ALOXE3: variants seen among roughly 807,000 people sequenced by gnomAD.
ALOXE3 encodes the protein arachidonate epidermal lipoxygenase 3.
A neutral mutation model predicts 87.5 loss-of-function variants in ALOXE3; 78 were observed. The ratio of observed to expected loss-of-function variants is 0.89; its 90% CI spans 0.74 to 1.08. The LOEUF (loss-of-function observed/expected upper bound fraction) is 1.08. Ranked by LOEUF, ALOXE3 falls within the 50% of genes least tolerant of loss-of-function variation. The probability of loss-of-function intolerance (pLI) is 0.00; values close to 1 mark genes in which losing one functional copy is unlikely to be tolerated. For synonymous variants in ALOXE3, 363 were observed against 370.8 expected (o/e 0.98, Z 0.24); for missense variants, 946 against 912.4 (o/e 1.04, Z -0.47).
At chr17:8,106,323 C>G (rs932780895) in intron 13 of ALOXE3, among the ~76,000 whole-genome samples, 1 of 151,968 alleles carries the variant, frequency 6.6e-6, no homozygotes, top group Non-Finnish European at 1.5e-5. Flanking sequence ...ACCAGACATC[C>G]GCCTGGGAGT....
At chr17:8,107,659 C>T (rs948498669) in intron 13 of ALOXE3, among the ~76,000 whole-genome samples, 6 of 150,900 alleles carry the variant, frequency 4.0e-5, no homozygotes, top group East Asian at 2.0e-4. Flanking sequence ...ATTAGCTGGG[C>T]GTGGTGGCGG....
At position 8,114,687 on chromosome 17, in the gene ALOXE3, C is replaced by G. The variant is rs1598216515; in HGVS notation, c.555-78G>C. 3 of 1,598,166 alleles carry G rather than the reference C, an allele frequency of 1.9e-6. No homozygotes were observed. The East Asian group carries it at 6.7e-5, about 36-fold the overall frequency. The stretch of plus-strand genomic sequence containing the variant: ...CAGCTGCTCAACTCCTTCCCTCTTT[C>G]CTGCCTTCCAAGTCCCTGGGTCTCT... On this transcript the variant is annotated intron_variant, in intron 5 of 15. Transcript: ENST00000448843.
At chr17:8,115,737 A>G (rs762814746) in intron 3 of ALOXE3, 49 bp from the exon 4 acceptor site, 22 of 1,566,702 alleles carry the variant, frequency 1.4e-5, no homozygotes, top group Non-Finnish European at 1.5e-5. Flanking sequence ...TTCCAACAAC[A>G]TCTTCTGCAA....
At chr17:8,110,362 C>T (rs767386340) in intron 9 of ALOXE3, 23 bp downstream of exon 9, 1 of 1,604,324 alleles carries the variant, frequency 6.2e-7, no homozygotes, top group Non-Finnish European at 8.5e-7. Context: ...GCCCCCATCC[C>T]GGGGCGGCGG....
chr17:8,114,899 T>C (rs780267033), intron 5 of ALOXE3, 39 bp downstream of exon 5: 2 of 1,613,564 alleles, frequency 1.2e-6, no homozygotes. Flanking sequence ...ACCTTCCACT[T>C]GACTTCCTTT....
intron 11 of ALOXE3, 128 bp downstream of exon 11, chr17:8,109,788 T>G: frequency 1.1e-6 from 1 of 926,748 alleles, no homozygotes; most frequent in Non-Finnish European, 1.6e-6. Flanking sequence ...GAGGCAGTGA[T>G]TGTACAGGTG....
chr17:8,104,238 G>A, intron 13 of ALOXE3, 23 bp from the exon 14 acceptor site: 2 of 1,586,788 alleles, frequency 1.3e-6, no homozygotes, highest in Non-Finnish European at 1.7e-6. Context: ...AGGAAGGGTA[G>A]AGGGTGTGGA....
In ALOXE3 at chr17:8,117,954, A is replaced by G; in HGVS notation, c.37T>C (p.Tyr13His). ...VYRLCVTTGPYLRAGTLDNIS... is the reference protein window; with the variant it reads ...VYRLCVTTGPHLRAGTLDNIS... Reference sequence around the variant, plus strand: ...TTGTCCAGTGTGCCGGCCCTCAGGTAGGGACCAGTGGTCACACACAGGCGG... The same window carrying G: ...TTGTCCAGTGTGCCGGCCCTCAGGTGGGGACCAGTGGTCACACACAGGCGG... Residue 13 changes from tyrosine (Y) to histidine (H), a missense_variant, in exon 2 of 16, where the codon TAC becomes CAC. By Grantham distance (83) the Tyr-to-His change is moderately conservative. Transcript: ENST00000448843. 1 of 1,612,362 alleles carries G rather than the reference A, an allele frequency of 6.2e-7. No individual in the cohort carries two copies. The highest frequency in any genetic ancestry group is 8.5e-7 in the Non-Finnish European group (1 of 1,179,726).
chr17:8,114,348 G>A, intron 6 of ALOXE3, 136 bp downstream of exon 6: 1 of 1,234,648 alleles, frequency 8.1e-7, no homozygotes. Context: ...CAGGGAGAGG[G>A]AATGAGTCCA....
chr17:8,115,647 G>A lies in ALOXE3; in HGVS notation c.394C>T (p.His132Tyr), dbSNP rs1379299934. The change falls in exon 4 of 16, where the codon CAC becomes TAC. Residue 132 changes from histidine to tyrosine, a missense_variant. His to Tyr is a moderately conservative substitution (Grantham distance 83, BLOSUM62 2). Coordinates refer to ENST00000448843, the MANE Select transcript of ALOXE3 (RefSeq NM_021628.3). ...CQDSLPLLLDHRTRELRARQE... is the reference protein window; with the variant it reads ...CQDSLPLLLDYRTRELRARQE... ...CGGGCCCGGAGCTCCCGTGTCCTGTGATCCAGGAGGAGGGGAAGAGAGTCC... is the reference window on the plus strand; with the variant it reads ...CGGGCCCGGAGCTCCCGTGTCCTGTAATCCAGGAGGAGGGGAAGAGAGTCC... 7 of 1,614,094 alleles carry A rather than the reference G, an allele frequency of 4.3e-6. No individual in the cohort carries two copies. Among genetic ancestry groups the A allele is most frequent in the Middle Eastern group, 1.7e-4 (1 of 6,060 alleles).
chr17:8,117,204 A>G (rs1478867444), intron 2 of ALOXE3, among the ~76,000 whole-genome samples: 1 of 152,208 alleles, frequency 6.6e-6, no homozygotes, highest in Non-Finnish European at 1.5e-5. Flanking sequence ...CGGGTGGATC[A>G]CCTGAGGTCA....
At chr17:8,116,337 C>T (rs1476942778) in intron 3 of ALOXE3, among the ~76,000 whole-genome samples, 1 of 152,104 alleles carries the variant, frequency 6.6e-6, no homozygotes, top group Admixed American at 6.6e-5. Flanking sequence ...GGGACCTCAT[C>T]CACACTAGAA....
Position 8,110,523 on chromosome 17 carries a change from C to T in ALOXE3, c.963G>A (p.Gly321=). Residue 321 remains glycine (G), a synonymous_variant, in exon 9 of 16, where the codon GGG becomes GGA. Coordinates refer to ENST00000448843, the MANE Select transcript of ALOXE3 (RefSeq NM_021628.3). ...TCCAGTAGTCCGCTAGGAAGATGTTCCCCCTCTGCAGAAGGCACACAGAGG... is the reference window on the plus strand; with the variant it reads ...TCCAGTAGTCCGCTAGGAAGATGTTTCCCCTCTGCAGAAGGCACACAGAGG... The part of the protein sequence containing the change: ...DTCLQTELER[G]NIFLADYWIL... The T allele has an allele frequency of 6.2e-7, 1 of 1,613,852 alleles. No homozygotes were observed. The highest frequency in any genetic ancestry group is 8.5e-7 in the Non-Finnish European group (1 of 1,179,888).
intron 15 of ALOXE3, among the ~76,000 whole-genome samples, chr17:8,101,648 TTTG>T (rs960110896): frequency 1.3e-5 from 2 of 149,706 alleles, no homozygotes; most frequent in Non-Finnish European, 3.0e-5. Flanking sequence ...TTGTTGTTTT[TTTG>T]TTTTTTGTTT....
upstream of ALOXE3, chr17:8,118,624 GC>G (rs1382653866): frequency 6.5e-7 from 1 of 1,536,088 alleles, no homozygotes; most frequent in African/African-American, 1.4e-5. Flanking sequence ...GTCAGGAACA[GC>G]TCCCTGTCAC....
intron 1 of ALOXE3, 77 bp downstream of exon 1, chr17:8,118,409 G>A: frequency 6.4e-7 from 1 of 1,551,054 alleles, no homozygotes; most frequent in Non-Finnish European, 8.7e-7. Flanking sequence ...ATGCCCTGGA[G>A]TGCTTGTCCG....
intron 13 of ALOXE3, among the ~76,000 whole-genome samples, chr17:8,107,239 G>A (rs1178949382): frequency 6.6e-6 from 1 of 152,168 alleles, no homozygotes; most frequent in African/African-American, 2.4e-5. Flanking sequence ...CTCCAAGGCC[G>A]GGTGCGGTGG....
chr17:8,111,896 G>T (rs1980124257), intron 7 of ALOXE3, among the ~76,000 whole-genome samples, 197 bp downstream of exon 7: 1 of 152,064 alleles, frequency 6.6e-6, no homozygotes, highest in Non-Finnish European at 1.5e-5. Flanking sequence ...CCCTGTTTTT[G>T]TCCCCTCCTC....
chr17:8,111,469 T>G lies in ALOXE3; in HGVS notation c.847A>C (p.Asn283His), dbSNP rs376200180. The G allele has an allele frequency of 6.2e-6, 10 of 1,614,068 alleles. No homozygotes were observed. Among genetic ancestry groups the G allele is most frequent in the Middle Eastern group, 3.3e-4 (2 of 6,070 alleles). ...FFGYQYLNGV[N>H]PVMLHCISSL... ...GAGATGCAGTGGAGCATGACGGGAT[T>G]GACACCATTCAGGTACTGGTACCCA... is the stretch of plus-strand genomic sequence containing the variant. The change falls in exon 8 of 16, where the codon AAT becomes CAT. Residue 283 changes from asparagine to histidine, a missense_variant. Asn to His is a moderately conservative substitution (Grantham distance 68). Coordinates refer to ENST00000448843, the MANE Select transcript of ALOXE3 (RefSeq NM_021628.3).
Sources: gnomAD v4.1 joint callset for allele counts (sites outside exome capture counted in the v4.1 genomes callset) on GRCh38, gnomAD v4.1.1 for gene constraint, MANE v1.5 for transcripts, NCBI Gene and HGNC (gene_info 2026-07-23, HGNC 2026-07-21) for gene names.